The following TBL1XR1 variants were observed in gnomAD, a reference collection of about 807,000 sequenced individuals.
TBL1XR1 encodes the protein TBL1X/Y related 1, also known as F-box-like/WD repeat-containing protein TBL1XR1.
In TBL1XR1, 5 loss-of-function variants were observed where a neutral mutation model predicts 66.9. The ratio of observed to expected loss-of-function variants is 0.07; its 90% CI spans 0.04 to 0.16. The LOEUF (loss-of-function observed/expected upper bound fraction) is 0.16. Among genes scored for constraint, TBL1XR1 ranks in the 10% least tolerant of loss-of-function variants. TBL1XR1 has a pLI of 1.00. For missense variants in TBL1XR1, 238 were observed against 623.2 expected, an observed-to-expected ratio of 0.38 and a Z score of 6.58; for synonymous variants, 210 against 206.0, an observed-to-expected ratio of 1.02 and a Z score of -0.17.
intron 2 of TBL1XR1, among the ~76,000 whole-genome samples, chr3:177,087,905 C>G (rs1334210026): frequency 6.6e-6 from 1 of 151,890 alleles, no homozygotes; most frequent in South Asian, 2.1e-4. Flanking sequence ...ATAGTACACC[C>G]AAAGAAAATT....
Position 177,024,382 on chromosome 3 carries a change from T to C in TBL1XR1, c.*1116A>G, listed in dbSNP as rs992005964. The stretch of plus-strand genomic sequence containing the variant: ...AAACAACATGAGAGATTTTTAATAC[T>C]GGAGTTTGGTTACATTACATATTTA... On this transcript the variant is annotated 3_prime_UTR_variant, in exon 16 of 16. Coordinates refer to ENST00000457928, the MANE Select transcript of TBL1XR1 (RefSeq NM_024665.7). The C allele has an allele frequency of 6.6e-6, 1 of 152,570 alleles. No homozygotes were observed. The highest frequency in any genetic ancestry group is 2.4e-5 in the African/African-American group (1 of 41,454). 9.5% of individuals were successfully genotyped at this position (152,570 alleles called of 1,614,324 possible).
rs1712665048 is a variant in TBL1XR1, at chr3:177,023,526, C to T, written c.*1972G>A. 1 of 152,384 alleles carries T rather than the reference C, an allele frequency of 6.6e-6. No individual in the cohort carries two copies. The highest frequency in any genetic ancestry group is 1.5e-5 in the Non-Finnish European group (1 of 67,930). 9.4% of individuals were successfully genotyped at this position (152,384 alleles called of 1,614,324 possible). A position where few individuals can be genotyped will look rare whatever the true frequency, so the allele number is the denominator to read the frequency against. On this transcript the variant is annotated 3_prime_UTR_variant, in exon 16 of 16. Coordinates refer to ENST00000457928, the MANE Select transcript of TBL1XR1 (RefSeq NM_024665.7). ...GCACAAAACCATCGTGAATGACTGC[C>T]TCTCTTGATGTAAATTTTTAAAAAT...
intron 2 of TBL1XR1, among the ~76,000 whole-genome samples, chr3:177,084,546 T>C (rs897124793): frequency 6.6e-6 from 1 of 152,240 alleles, no homozygotes; most frequent in Admixed American, 6.5e-5. Flanking sequence ...AACTTGATAA[T>C]CCTTTTTCTT....
intron 1 of TBL1XR1, among the ~76,000 whole-genome samples, chr3:177,131,716 G>T (rs953960818): frequency 4.0e-5 from 6 of 151,886 alleles, no homozygotes; most frequent in African/African-American, 1.5e-4. Context: ...TGGCCAGGCT[G>T]GTCTTGAACT....
intron 1 of TBL1XR1, among the ~76,000 whole-genome samples, chr3:177,196,708 T>C (rs1349603395): frequency 3.4e-5 from 5 of 147,706 alleles, no homozygotes; most frequent in Non-Finnish European, 7.5e-5. Context: ...CTTGATTCAA[T>C]TTGCTGCAAA....
In TBL1XR1 at chr3:177,135,307, CTGTGTG is replaced by C. The variant is rs376418228; in HGVS notation, c.-121-36772_-121-36767del. Among the ~76,000 whole-genome samples the C allele has an allele frequency of 5.8e-4, 42 of 72,590 alleles. 1 individual carries two copies. The highest frequency in any genetic ancestry group is 2.0e-3 in the South Asian group (4 of 1,970). 47.6% of individuals were successfully genotyped at this position (72,590 alleles called of 152,430 possible). ...GTGAGCCACCGCACAAGGCCGCACT[CTGTGTG>C]TGTGTGTGTGTGTGTGTGTGTATAC... On this transcript the variant is annotated intron_variant, in intron 1 of 15. Coordinates refer to ENST00000457928, the MANE Select transcript of TBL1XR1 (RefSeq NM_024665.7).
rs186321094 is a variant in TBL1XR1, at chr3:177,129,652, G to T, written c.-121-31111C>A. 3.9e-5 allele frequency among the ~76,000 whole-genome samples: 6 copies of T among 152,190 alleles called. No homozygotes were observed. The East Asian group carries it at 1.2e-3, about 29-fold the overall frequency. On this transcript the variant is annotated intron_variant, in intron 1 of 15. Transcript: ENST00000457928. ...CAATTTGTGAACTTCACCATCTGTA[G>T]TCTGTACCTTTTAATGTATTCTGCA...
At chr3:177,107,735 T>C (rs934983594) in intron 1 of TBL1XR1, among the ~76,000 whole-genome samples, 8 of 152,190 alleles carry the variant, frequency 5.3e-5, no homozygotes, top group African/African-American at 1.9e-4. Flanking sequence ...TAAGATCTCA[T>C]ATATTATATA....
chr3:177,135,254 G>A (rs1252545832), intron 1 of TBL1XR1, among the ~76,000 whole-genome samples: 2 of 143,356 alleles, frequency 1.4e-5, no homozygotes, highest in African/African-American at 2.6e-5. Context: ...CACCCACCTC[G>A]GCCTCCAAAA....
At chr3:177,121,352 A>G (rs1001327413) in intron 1 of TBL1XR1, among the ~76,000 whole-genome samples, 1 of 152,160 alleles carries the variant, frequency 6.6e-6, no homozygotes, top group African/African-American at 2.4e-5. Flanking sequence ...TTCTTTTATT[A>G]TTTTCAAATT....
Position 177,025,967 on chromosome 3 carries a change from T to C in TBL1XR1, c.1518+406A>G, listed in dbSNP as rs142059702. ...GTTGGCTAACCTCATCCTGAAAATC[T>C]TTCAGTATCACACATTCCTCAACAC... On this transcript the variant is annotated intron_variant, in intron 15 of 15. Coordinates refer to ENST00000457928, the MANE Select transcript of TBL1XR1 (RefSeq NM_024665.7). 437 of 270,166 alleles carry C rather than the reference T, an allele frequency of 1.6e-3. 3 individuals carry two copies. The highest frequency in any genetic ancestry group is 9.4e-3 in the African/African-American group (411 of 43,756). 16.7% of individuals were successfully genotyped at this position (270,166 alleles called of 1,614,324 possible).
At position 177,038,183 on chromosome 3, in the gene TBL1XR1, T is replaced by C. The variant is rs535488444; in HGVS notation, c.1048-11A>G. 2 of 1,612,470 alleles carry C rather than the reference T, an allele frequency of 1.2e-6. No homozygotes were observed. The highest frequency in any genetic ancestry group is 1.7e-5 in the Admixed American group (1 of 59,928). ...AGCATTTACTTCATTCTAAAAATAA[T>C]AGTAAATATTCACATTTTCATTGTA... On this transcript the variant is annotated splice_polypyrimidine_tract_variant and intron_variant, in intron 11 of 15. Coordinates refer to ENST00000457928, the MANE Select transcript of TBL1XR1 (RefSeq NM_024665.7).
At chr3:177,190,186 T>A (rs566003208) in intron 1 of TBL1XR1, among the ~76,000 whole-genome samples, 102 of 148,776 alleles carry the variant, frequency 6.9e-4, no homozygotes, top group African/African-American at 2.4e-3. Context: ...TAAGCATCAT[T>A]ATACCTAACT....
chr3:177,177,732 C>T (rs964831839), intron 1 of TBL1XR1, among the ~76,000 whole-genome samples: 1 of 152,150 alleles, frequency 6.6e-6, no homozygotes, highest in Non-Finnish European at 1.5e-5. Flanking sequence ...ACCAGCTAAT[C>T]ATGAAAACAT....
chr3:177,099,935 T>C (rs962226610), intron 1 of TBL1XR1, among the ~76,000 whole-genome samples: 1 of 152,258 alleles, frequency 6.6e-6, no homozygotes, highest in Non-Finnish European at 1.5e-5. Flanking sequence ...TACTAAATAA[T>C]GTGTATTTTA....
chr3:177,174,024 A>G (rs1171131311), intron 1 of TBL1XR1, among the ~76,000 whole-genome samples: 1 of 152,150 alleles, frequency 6.6e-6, no homozygotes, highest in African/African-American at 2.4e-5. Context: ...CAAAAATTAC[A>G]CCCACTAGCA....
chr3:177,150,868 T>G (rs78933856), intron 1 of TBL1XR1, among the ~76,000 whole-genome samples: 3,179 of 152,338 alleles, frequency 0.021, 54 homozygotes, highest in Non-Finnish European at 0.031. Context: ...TTATTTTACC[T>G]TCATTTAAAA....
At chr3:177,042,196 A>C (rs1423806052) in intron 10 of TBL1XR1, among the ~76,000 whole-genome samples, 1 of 152,174 alleles carries the variant, frequency 6.6e-6, no homozygotes, top group Non-Finnish European at 1.5e-5. Context: ...TAAAAATTTT[A>C]ATTTTTTTGG....
intron 1 of TBL1XR1, among the ~76,000 whole-genome samples, chr3:177,165,881 G>C (rs1482406066): frequency 1.3e-5 from 2 of 152,034 alleles, no homozygotes; most frequent in Non-Finnish European, 2.9e-5. Context: ...ATGATCACTT[G>C]AGGCCAGGAG....
Sources: gnomAD v4.1 joint callset for allele counts (sites outside exome capture counted in the v4.1 genomes callset) on GRCh38, gnomAD v4.1.1 for gene constraint, MANE v1.5 for transcripts, NCBI Gene and HGNC (gene_info 2026-07-23, HGNC 2026-07-21) for gene names.